Variants in UNC13B observed in about 807,000 individuals in gnomAD.
UNC13B encodes the protein protein unc-13 homolog B.
In UNC13B, 144 loss-of-function variants were observed where a neutral mutation model predicts 211.0. That is an observed-to-expected ratio of 0.68 (90% CI 0.60 to 0.78). The LOEUF is 0.78. Among genes scored for constraint, UNC13B ranks in the 30% least tolerant of loss-of-function variants. The pLI is 0.00. For missense variants in UNC13B, 1,777 were observed against 2,002.0 expected (o/e 0.89, Z 2.14); for synonymous variants, 709 against 725.8 (o/e 0.98, Z 0.37).
chr9:35,326,421 A>G (rs1411320263), intron 11 of UNC13B, among the ~76,000 whole-genome samples: 2 of 152,192 alleles, frequency 1.3e-5, no homozygotes, highest in Non-Finnish European at 2.9e-5. Flanking sequence ...TTTTAGAGAC[A>G]GGATCTCACT....
chr9:35,304,420 C>T lies in UNC13B; in HGVS notation c.5016C>T (p.Asp1672=), dbSNP rs780202208. The part of the protein sequence containing the change: ...SFKERPCGSE[D]AECTLDLRNQ... Reference sequence around the variant, plus strand: ...AAGAAAGGCCGTGTGGTTCTGAAGACGCTGAATGTACATTAGATCTCAGAA... The same window carrying T: ...AAGAAAGGCCGTGTGGTTCTGAAGATGCTGAATGTACATTAGATCTCAGAA... Residue 1672 remains aspartate (D), a synonymous_variant, in exon 9 of 40, where the codon GAC becomes GAT. Transcript: ENST00000635942. The T allele has an allele frequency of 5.8e-5, 23 of 398,592 alleles. No homozygotes were observed. The highest frequency in any genetic ancestry group is 1.6e-4 in the African/African-American group (8 of 48,674). 24.7% of individuals were successfully genotyped at this position (398,592 alleles called of 1,614,324 possible). A position where few individuals can be genotyped will look rare whatever the true frequency, so the allele number is the denominator to read the frequency against.
chr9:35,363,797 C>T (rs998955854), intron 11 of UNC13B, among the ~76,000 whole-genome samples: 4 of 152,264 alleles, frequency 2.6e-5, no homozygotes, highest in South Asian at 2.1e-4. Flanking sequence ...ATGGCTTGAT[C>T]GGGCCCTTCT....
intron 11 of UNC13B, among the ~76,000 whole-genome samples, chr9:35,349,640 T>C (rs1161136525): frequency 1.3e-5 from 2 of 152,132 alleles, no homozygotes; most frequent in Non-Finnish European, 2.9e-5. Context: ...CTCAATGAAT[T>C]AGAGTTGTTA....
chr9:35,400,590 C>A, intron 37 of UNC13B, 147 bp downstream of exon 37: 2 of 929,314 alleles, frequency 2.2e-6, no homozygotes, highest in East Asian at 5.1e-5. Flanking sequence ...CTTGATGGGA[C>A]CTCAGTACTT....
intron 11 of UNC13B, among the ~76,000 whole-genome samples, chr9:35,331,541 C>A (rs1013080723): frequency 6.6e-6 from 1 of 152,132 alleles, no homozygotes; most frequent in Non-Finnish European, 1.5e-5. Context: ...GCCACTGTGC[C>A]CAGCACTTTT....
At chr9:35,245,012 A>G (rs1264942805) in intron 6 of UNC13B, among the ~76,000 whole-genome samples, 3 of 152,172 alleles carry the variant, frequency 2.0e-5, no homozygotes, top group Non-Finnish European at 4.4e-5. Context: ...TGAAAGCTCC[A>G]GTCCTCTTTC....
intron 4 of UNC13B, 137 bp downstream of exon 4, chr9:35,236,723 G>A: frequency 2.5e-6 from 2 of 784,400 alleles, no homozygotes; most frequent in Non-Finnish European, 4.3e-6. Flanking sequence ...CATGCAACCT[G>A]CCTGTTCCTA....
At chr9:35,208,378 A>G (rs1194298799) in intron 1 of UNC13B, among the ~76,000 whole-genome samples, 3 of 152,230 alleles carry the variant, frequency 2.0e-5, no homozygotes, top group Non-Finnish European at 4.4e-5. Flanking sequence ...TCTGAAATAG[A>G]TCTGCCCTTT....
chr9:35,398,713 C>T lies in UNC13B; in HGVS notation c.11921+71C>T, dbSNP rs532263862. ...CTAGCCAATCCCAGAGCCCTTGCCC[C>T]ACACCTCTCCATATAGCTGCAGGTG... is the stretch of plus-strand genomic sequence containing the variant. On this transcript the variant is annotated intron_variant, in intron 32 of 39. Coordinates refer to ENST00000635942, the MANE Select transcript of UNC13B (RefSeq NM_001371189.2). The T allele has an allele frequency of 5.1e-6, 8 of 1,579,978 alleles. No individual in the cohort carries two copies. The South Asian group carries it at 9.0e-5, about 18-fold the overall frequency.
chr9:35,297,236 A>G (rs1259884260), intron 8 of UNC13B, among the ~76,000 whole-genome samples: 2 of 151,254 alleles, frequency 1.3e-5, no homozygotes, highest in Non-Finnish European at 2.9e-5. Flanking sequence ...CTACAGGTGC[A>G]CGCCACCATG....
At chr9:35,364,005 A>G (rs558273901) in intron 11 of UNC13B, among the ~76,000 whole-genome samples, 10 of 152,184 alleles carry the variant, frequency 6.6e-5, no homozygotes, top group Non-Finnish European at 1.5e-4. Flanking sequence ...ACTTAATTTC[A>G]GGTCCGAGAA....
intron 7 of UNC13B, among the ~76,000 whole-genome samples, chr9:35,266,397 C>G (rs899906994): frequency 6.6e-6 from 1 of 152,114 alleles, no homozygotes; most frequent in African/African-American, 2.4e-5. Context: ...AGAAACTCTC[C>G]CTTTGATACA....
In UNC13B at chr9:35,231,189, A is replaced by C; in HGVS notation, c.122A>C (p.Asp41Ala). 6.2e-7 allele frequency: 1 copy of C among 1,613,498 alleles called. No individual in the cohort carries two copies. The highest frequency in any genetic ancestry group is 1.1e-5 in the South Asian group (1 of 91,038). Residue 41 changes from aspartate to alanine, a missense_variant, in exon 3 of 40, where the codon GAT (aspartate) becomes GCT (alanine). Physicochemically the swap from Asp to Ala is moderately radical, Grantham distance 126. Transcript: ENST00000635942. Reference sequence around the variant, plus strand: ...AGCACAACTGTAGCAGTTCGTGGTGATCAGCCTTCCTGGGAACAGGATTTC... The same window carrying C: ...AGCACAACTGTAGCAGTTCGTGGTGCTCAGCCTTCCTGGGAACAGGATTTC... Reference protein sequence around the residue: ...VKSTTVAVRGDQPSWEQDFMF... With the variant: ...VKSTTVAVRGAQPSWEQDFMF...
At chr9:35,263,159 C>T (rs1827376919) in intron 7 of UNC13B, among the ~76,000 whole-genome samples, 1 of 152,092 alleles carries the variant, frequency 6.6e-6, no homozygotes, top group Non-Finnish European at 1.5e-5. Flanking sequence ...AATTTATCCT[C>T]AGTCATCACA....
chr9:35,400,971 G>A (rs1836260368), intron 37 of UNC13B, among the ~76,000 whole-genome samples: 1 of 152,150 alleles, frequency 6.6e-6, no homozygotes, highest in Admixed American at 6.5e-5. Context: ...AGTCTCAGGG[G>A]TGCTGTTTAT....
At chr9:35,233,923 A>G (rs1396840859) in intron 3 of UNC13B, among the ~76,000 whole-genome samples, 1 of 152,144 alleles carries the variant, frequency 6.6e-6, no homozygotes, top group Non-Finnish European at 1.5e-5. Flanking sequence ...AGGTGAGATG[A>G]GAAGCTTCTT....
intron 7 of UNC13B, among the ~76,000 whole-genome samples, chr9:35,279,607 T>C (rs1392455340): frequency 6.6e-6 from 1 of 152,218 alleles, no homozygotes; most frequent in Non-Finnish European, 1.5e-5. Flanking sequence ...GTATTTGCAG[T>C]TACAATACTG....
Position 35,305,843 on chromosome 9 carries a change from G to A in UNC13B, c.6439G>A (p.Ala2147Thr), listed in dbSNP as rs919524458. 1 of 398,846 alleles carries A rather than the reference G, an allele frequency of 2.5e-6. No homozygotes were observed. The highest frequency in any genetic ancestry group is 4.4e-5 in the Admixed American group (1 of 22,706). The allele number at this position is 398,846 out of a possible 1,614,324, so 24.7% of individuals were successfully genotyped here. A position where few individuals can be genotyped will look rare whatever the true frequency, so the allele number is the denominator to read the frequency against. Reference protein sequence around the residue: ...SDKDWSFSMAATSSSQPELST... With the variant: ...SDKDWSFSMATTSSSQPELST... ...CAAAGACTGGAGTTTCTCTATGGCT[G>A]CAACATCTTCATCTCAACCAGAGTT... The change falls in exon 9 of 40, where the codon GCA (alanine) becomes ACA (threonine). Residue 2147 changes from alanine (A) to threonine (T), a missense_variant. Ala to Thr is a moderately conservative substitution (Grantham distance 58). Coordinates refer to ENST00000635942, the MANE Select transcript of UNC13B (RefSeq NM_001371189.2).
intron 1 of UNC13B, among the ~76,000 whole-genome samples, chr9:35,191,134 A>G (rs1262290420): frequency 6.6e-6 from 1 of 152,006 alleles, no homozygotes; most frequent in Non-Finnish European, 1.5e-5. Context: ...TAATTTTTGT[A>G]GTTTTAGTAC....
Sources: gnomAD v4.1 joint callset for allele counts (sites outside exome capture counted in the v4.1 genomes callset) on GRCh38, gnomAD v4.1.1 for gene constraint, MANE v1.5 for transcripts, NCBI Gene and HGNC (gene_info 2026-07-23, HGNC 2026-07-21) for gene names.